ATF6: variants seen among roughly 807,000 people sequenced by gnomAD.
ATF6 encodes activating transcription factor 6, also known as cyclic AMP-dependent transcription factor ATF-6 alpha.
In ATF6, 53 loss-of-function variants were observed where a neutral mutation model predicts 83.6. The ratio of observed to expected loss-of-function variants is 0.63; its 90% confidence interval spans 0.51 to 0.80. ATF6 has a LOEUF of 0.80. ATF6 is among the 30% of genes least tolerant of loss of function. The probability of loss-of-function intolerance (pLI) is 0.00; values close to 1 mark genes in which losing one functional copy is unlikely to be tolerated. For synonymous variants in ATF6, 288 were observed against 285.8 expected (o/e 1.01, Z -0.08); for missense variants, 744 against 797.9 (o/e 0.93, Z 0.81).
intron 7 of ATF6, among the ~76,000 whole-genome samples, chr1:161,819,048 G>C (rs771311050): frequency 6.6e-6 from 1 of 152,130 alleles, no homozygotes; most frequent in African/African-American, 2.4e-5. Context: ...ATTTTCACTG[G>C]AATAAATTTG....
chr1:161,912,413 A>G, intron 15 of ATF6, 33 bp downstream of exon 15: 2 of 1,466,466 alleles, frequency 1.4e-6, no homozygotes, highest in South Asian at 2.4e-5. Context: ...GAACAATATG[A>G]GATTTCTTTG....
intron 7 of ATF6, among the ~76,000 whole-genome samples, chr1:161,806,996 T>C (rs139648060): frequency 1.4e-4 from 21 of 152,172 alleles, no homozygotes; most frequent in African/African-American, 5.1e-4. Flanking sequence ...GAACATGAGC[T>C]TGGAGAATCT....
intron 14 of ATF6, among the ~76,000 whole-genome samples, chr1:161,900,798 A>G (rs188655241): frequency 1.4e-4 from 21 of 152,268 alleles, no homozygotes; most frequent in Admixed American, 1.3e-3. Context: ...AATGATCTTC[A>G]GTTACACAAG....
chr1:161,785,453 T>G (rs1684722492), intron 4 of ATF6, among the ~76,000 whole-genome samples: 1 of 152,212 alleles, frequency 6.6e-6, no homozygotes, highest in Non-Finnish European at 1.5e-5. Context: ...GTACCTTGTT[T>G]TTTTAGCTTA....
chr1:161,957,476 C>T (rs1396967564), intron 15 of ATF6, among the ~76,000 whole-genome samples: 1 of 152,074 alleles, frequency 6.6e-6, no homozygotes, highest in Non-Finnish European at 1.5e-5. Flanking sequence ...TTTATTTTCT[C>T]ATCAGTTTTA....
At chr1:161,836,681 A>G (rs1486116647) in intron 9 of ATF6, among the ~76,000 whole-genome samples, 3 of 152,244 alleles carry the variant, frequency 2.0e-5, no homozygotes, top group African/African-American at 4.8e-5. Flanking sequence ...TTTTGAGGGC[A>G]TGGAAAATTC....
intron 14 of ATF6, among the ~76,000 whole-genome samples, chr1:161,887,588 C>A (rs1687454210): frequency 6.6e-6 from 1 of 152,132 alleles, no homozygotes; most frequent in African/African-American, 2.4e-5. Context: ...ACAGAGAAAT[C>A]AGTGAAAAAT....
chr1:161,958,565 A>T lies in ATF6; in HGVS notation c.1924A>T (p.Arg642Trp). 1 of 1,614,048 alleles carries T rather than the reference A, an allele frequency of 6.2e-7. No individual in the cohort carries two copies. Among genetic ancestry groups the T allele is most frequent in the Non-Finnish European group, 8.5e-7 (1 of 1,179,968 alleles). The change falls in exon 16 of 16, where the codon AGG becomes TGG. Residue 642 changes from arginine (R) to tryptophan (W), a missense_variant. By Grantham distance (101) the Arg-to-Trp change is moderately radical. Transcript: ENST00000367942. The part of the protein sequence containing the change: ...SVPPYLRDQQ[R>W]NQTNTFFGSP... ...TCCTCCTTACCTCCGAGATCAGCAG[A>T]GGAATCAAACCAACACCTTCTTTGG...
intron 5 of ATF6, 63 bp from the exon 6 acceptor site, chr1:161,792,061 T>G: frequency 7.2e-7 from 1 of 1,384,648 alleles, no homozygotes; most frequent in Non-Finnish European, 1.0e-6. Context: ...TGATAGAATC[T>G]GTTTTTTAGG....
At position 161,900,699 on chromosome 1, in the gene ATF6, C is replaced by G. The variant is rs76542454; in HGVS notation, c.1720-11597C>G. On this transcript the variant is annotated intron_variant, in intron 14 of 15. Coordinates refer to ENST00000367942, the MANE Select transcript of ATF6 (RefSeq NM_007348.4). The stretch of plus-strand genomic sequence containing the variant: ...TATCTCCTTAATGTTATAGTGTATG[C>G]TAATTATTTGCTTTGCATATGTACA... Among the ~76,000 whole-genome samples, 950 of 152,110 alleles carry G rather than the reference C, an allele frequency of 6.2e-3. 7 individuals carry two copies. The highest frequency in any genetic ancestry group is 0.021 in the African/African-American group (863 of 41,520).
chr1:161,815,150 C>T (rs933345919), intron 7 of ATF6, among the ~76,000 whole-genome samples: 17 of 146,072 alleles, frequency 1.2e-4, no homozygotes, highest in Non-Finnish European at 1.9e-4. Context: ...ATGAGATATT[C>T]GAATGTATTT....
chr1:161,895,580 G>T (rs570822452), intron 14 of ATF6, among the ~76,000 whole-genome samples: 1 of 152,246 alleles, frequency 6.6e-6, no homozygotes, highest in East Asian at 1.9e-4. Context: ...CTTGTCTGAG[G>T]CAGGAATTGT....
chr1:161,813,609 T>C (rs1023577763), intron 7 of ATF6, among the ~76,000 whole-genome samples: 5 of 152,224 alleles, frequency 3.3e-5, no homozygotes, highest in African/African-American at 1.2e-4. Context: ...TCAAATTGTT[T>C]TTGAAGGCTG....
intron 1 of ATF6, among the ~76,000 whole-genome samples, chr1:161,768,281 A>G (rs1684313110): frequency 6.6e-6 from 1 of 152,198 alleles, no homozygotes; most frequent in Admixed American, 6.5e-5. Context: ...CTAACAGAGC[A>G]TTCAGTTCTT....
chr1:161,875,696 T>A (rs1434946079), intron 14 of ATF6, among the ~76,000 whole-genome samples: 1 of 151,822 alleles, frequency 6.6e-6, no homozygotes, highest in East Asian at 1.9e-4. Context: ...CAACTATAAT[T>A]TATCAGTCTT....
chr1:161,841,453 A>G (rs1686356788), intron 9 of ATF6, among the ~76,000 whole-genome samples: 1 of 152,208 alleles, frequency 6.6e-6, no homozygotes, highest in Non-Finnish European at 1.5e-5. Flanking sequence ...ACTACAGGGA[A>G]TGTAGGCCAA....
At chr1:161,958,324 C>G in intron 15 of ATF6, 122 bp from the exon 16 acceptor site, 1 of 967,270 alleles carries the variant, frequency 1.0e-6, no homozygotes, top group East Asian at 2.8e-5. Context: ...CTCTGCACCC[C>G]TTGAAAGTTT....
intron 10 of ATF6, among the ~76,000 whole-genome samples, chr1:161,847,597 T>C (rs1299235809): frequency 6.6e-6 from 1 of 152,162 alleles, no homozygotes; most frequent in African/African-American, 2.4e-5. Flanking sequence ...AAATTCATCA[T>C]ACTTCTTAAA....
At chr1:161,842,719 A>G (rs1419265800) in intron 9 of ATF6, among the ~76,000 whole-genome samples, 4 of 152,216 alleles carry the variant, frequency 2.6e-5, no homozygotes, top group Non-Finnish European at 4.4e-5. Flanking sequence ...TCATCTCACC[A>G]AATGCCACCT....
Sources: allele counts gnomAD v4.1 joint callset (sites outside exome capture counted in the v4.1 genomes callset), GRCh38; gene constraint gnomAD v4.1.1; transcripts MANE v1.5; gene names NCBI Gene and HGNC (gene_info 2026-07-23, HGNC 2026-07-21).